SLC24A2: variants seen among roughly 807,000 people sequenced by gnomAD.
The protein encoded by SLC24A2 is sodium/potassium/calcium exchanger 2.
In SLC24A2, 36 loss-of-function variants were observed where a neutral mutation model predicts 62.0. That is an observed-to-expected ratio of 0.58 (90% CI 0.44 to 0.77). SLC24A2 has a LOEUF of 0.77. SLC24A2 is among the 30% of genes least tolerant of loss of function. The pLI, the probability that SLC24A2 is intolerant of heterozygous loss-of-function variation, is 0.00. For missense variants in SLC24A2, 846 were observed against 817.9 expected (o/e 1.03, Z -0.42); for synonymous variants, 358 against 294.0 (o/e 1.22, Z -2.23).
chr9:20,008,787 C>G, the SLC24A2 span, among the ~76,000 whole-genome samples: 16 of 152,284 alleles, frequency 1.1e-4, no homozygotes, highest in African/African-American at 3.6e-4. Flanking sequence ...CTTCCATCCT[C>G]TACTCTACCC....
intron 5 of SLC24A2, among the ~76,000 whole-genome samples, chr9:19,583,865 A>G (rs1202667824): frequency 3.3e-5 from 5 of 152,128 alleles, no homozygotes; most frequent in Non-Finnish European, 5.9e-5. Context: ...GAACACCATA[A>G]AGATCAGGGC....
chr9:19,978,344 A>G, the SLC24A2 span, among the ~76,000 whole-genome samples: 8 of 152,090 alleles, frequency 5.3e-5, no homozygotes, highest in Non-Finnish European at 1.0e-4. Flanking sequence ...ATAAATTCTT[A>G]TGAACTATTG....
At chr9:19,676,099 G>C (rs576577029) in intron 2 of SLC24A2, among the ~76,000 whole-genome samples, 1 of 152,282 alleles carries the variant, frequency 6.6e-6, no homozygotes, top group East Asian at 1.9e-4. Context: ...AATTTTCTCA[G>C]CTCCAAGTAA....
chr9:19,706,568 C>T (rs1394570090), intron 2 of SLC24A2, among the ~76,000 whole-genome samples: 60 of 151,970 alleles, frequency 3.9e-4, no homozygotes, highest in East Asian at 1.2e-3. Flanking sequence ...TTAGTAGAGA[C>T]GGGGTTTCAC....
At chr9:19,597,959 A>G (rs1012583074) in intron 4 of SLC24A2, among the ~76,000 whole-genome samples, 1 of 152,156 alleles carries the variant, frequency 6.6e-6, no homozygotes, top group Non-Finnish European at 1.5e-5. Flanking sequence ...AGCAGGAGGC[A>G]GGGCAAGGAC....
the SLC24A2 span, among the ~76,000 whole-genome samples, chr9:19,980,692 G>C: frequency 6.6e-6 from 1 of 152,154 alleles, no homozygotes; most frequent in Non-Finnish European, 1.5e-5. Context: ...AAGACATCTA[G>C]ATGGTCATCT....
chr9:20,216,734 G>C, the SLC24A2 span, among the ~76,000 whole-genome samples: 2 of 152,074 alleles, frequency 1.3e-5, no homozygotes, highest in East Asian at 3.9e-4. Flanking sequence ...TTGAACAAAT[G>C]CTTCTCAATG....
chr9:20,081,229 A>T, the SLC24A2 span, among the ~76,000 whole-genome samples: 1 of 152,244 alleles, frequency 6.6e-6, no homozygotes, highest in Admixed American at 6.5e-5. Flanking sequence ...GAACCAACCC[A>T]AATGTCCAAC....
the SLC24A2 span, among the ~76,000 whole-genome samples, chr9:20,191,899 A>G: frequency 1.3e-5 from 2 of 152,136 alleles, no homozygotes; most frequent in African/African-American, 4.8e-5. Flanking sequence ...ATGTTTATGA[A>G]CAGTTCAAAC....
chr9:19,509,305 C>T lies in SLC24A2; in HGVS notation c.*6848G>A, dbSNP rs189660909. ...TGAAATGAATAATTTCTTTGATTTTCAAACAGTTTTATTAAAGCACACATC... is the reference window on the plus strand; with the variant it reads ...TGAAATGAATAATTTCTTTGATTTTTAAACAGTTTTATTAAAGCACACATC... On this transcript the variant is annotated 3_prime_UTR_variant, in exon 11 of 11. Coordinates refer to ENST00000341998, the MANE Select transcript of SLC24A2 (RefSeq NM_020344.4). 4 of 152,164 alleles carry T rather than the reference C, an allele frequency of 2.6e-5. No homozygotes were observed. The highest frequency in any genetic ancestry group is 9.6e-5 in the African/African-American group (4 of 41,544). The allele number at this position is 152,164 out of a possible 1,614,324, so 9.4% of individuals were successfully genotyped here. A position where few individuals can be genotyped will look rare whatever the true frequency, so the allele number is the denominator to read the frequency against.
the SLC24A2 span, among the ~76,000 whole-genome samples, chr9:20,156,432 C>T: frequency 6.6e-6 from 1 of 151,690 alleles, no homozygotes; most frequent in Non-Finnish European, 1.5e-5. Flanking sequence ...AGAATAATTC[C>T]TTTCAGCTCC....
chr9:20,232,110 T>G, the SLC24A2 span, among the ~76,000 whole-genome samples: 1 of 152,202 alleles, frequency 6.6e-6, no homozygotes, highest in East Asian at 1.9e-4. Context: ...GGATAAGCTT[T>G]TTGATGTGCT....
the SLC24A2 span, among the ~76,000 whole-genome samples, chr9:20,085,552 T>C: frequency 3.3e-5 from 5 of 152,204 alleles, no homozygotes; most frequent in Non-Finnish European, 5.9e-5. Flanking sequence ...TACATAAGCA[T>C]GCTGTTCAAA....
the SLC24A2 span, among the ~76,000 whole-genome samples, chr9:20,106,816 C>G: frequency 3.3e-5 from 5 of 152,184 alleles, no homozygotes; most frequent in Middle Eastern, 6.8e-3. Flanking sequence ...TCTCACCACT[C>G]CTATTCAACA....
intron 2 of SLC24A2, among the ~76,000 whole-genome samples, chr9:19,777,296 CAATT>C (rs1822873411): frequency 6.6e-6 from 1 of 152,102 alleles, no homozygotes; most frequent in Admixed American, 6.5e-5. Context: ...ACATTTAAAA[CAATT>C]AATTAAAATG....
intron 2 of SLC24A2, among the ~76,000 whole-genome samples, chr9:19,681,050 A>G (rs575988923): frequency 6.6e-6 from 1 of 152,148 alleles, no homozygotes; most frequent in African/African-American, 2.4e-5. Context: ...ATGTTGTCAG[A>G]ATATATTTCT....
At chr9:19,827,143 C>G in the SLC24A2 span, among the ~76,000 whole-genome samples, 1 of 152,168 alleles carries the variant, frequency 6.6e-6, no homozygotes, top group Non-Finnish European at 1.5e-5. Flanking sequence ...ATGAGGGACA[C>G]TAACACACAC....
the SLC24A2 span, among the ~76,000 whole-genome samples, chr9:20,078,392 C>A: frequency 6.6e-6 from 1 of 151,660 alleles, no homozygotes; most frequent in Non-Finnish European, 1.5e-5. Context: ...ACTGCCCTAC[C>A]CACTTCAGAG....
At chr9:20,077,880 T>C in the SLC24A2 span, among the ~76,000 whole-genome samples, 22 of 152,190 alleles carry the variant, frequency 1.4e-4, no homozygotes, top group African/African-American at 4.3e-4. Context: ...CCATTTTATC[T>C]GTAAAACATC....
Sources: gnomAD v4.1 joint callset for allele counts (sites outside exome capture counted in the v4.1 genomes callset) on GRCh38, gnomAD v4.1.1 for gene constraint, MANE v1.5 for transcripts, NCBI Gene and HGNC (gene_info 2026-07-23, HGNC 2026-07-21) for gene names.